The following AP3B1 variants were observed in gnomAD, a reference collection of about 807,000 sequenced individuals.
AP3B1 encodes the protein adaptor related protein complex 3 subunit beta 1.
A neutral mutation model predicts 132.5 loss-of-function variants in AP3B1; 61 were observed. The ratio of observed to expected loss-of-function variants is 0.46; its 90% confidence interval spans 0.37 to 0.57. The LOEUF is 0.57. AP3B1 is among the 20% of genes least tolerant of loss of function. The probability of loss-of-function intolerance (pLI) is 0.00; values close to 1 mark genes in which losing one functional copy is unlikely to be tolerated. For missense variants in AP3B1, 1,120 were observed against 1,289.4 expected (o/e 0.87, Z 2.01); for synonymous variants, 388 against 438.3 (o/e 0.89, Z 1.43).
At chr5:78,132,544 T>C (rs915309364) in intron 15 of AP3B1, among the ~76,000 whole-genome samples, 2 of 152,212 alleles carry the variant, frequency 1.3e-5, no homozygotes. Flanking sequence ...CATATGTGCA[T>C]AAGAAAACAT....
intron 21 of AP3B1, among the ~76,000 whole-genome samples, chr5:78,096,423 C>T (rs1166265974): frequency 3.9e-5 from 6 of 152,076 alleles, no homozygotes; most frequent in African/African-American, 1.4e-4. Flanking sequence ...AGCCTCTGCC[C>T]GGCCGCCACC....
chr5:78,065,663 T>TC (rs1749257965), intron 22 of AP3B1, among the ~76,000 whole-genome samples: 1 of 151,946 alleles, frequency 6.6e-6, no homozygotes, highest in South Asian at 2.1e-4. Flanking sequence ...AACTCTGATC[T>TC]CCCTGGAACA....
intron 23 of AP3B1, among the ~76,000 whole-genome samples, chr5:78,037,846 T>G (rs1406035433): frequency 2.0e-5 from 3 of 152,220 alleles, no homozygotes; most frequent in East Asian, 1.9e-4. Flanking sequence ...TGCCTGAAGC[T>G]TCTCTCAACT....
intron 11 of AP3B1, among the ~76,000 whole-genome samples, chr5:78,174,364 G>A (rs939763402): frequency 1.2e-4 from 18 of 152,124 alleles, no homozygotes; most frequent in African/African-American, 4.1e-4. Context: ...CTAGAGATGG[G>A]GTTTTGGTGT....
At chr5:78,113,207 T>G (rs895095374) in intron 19 of AP3B1, among the ~76,000 whole-genome samples, 1 of 152,204 alleles carries the variant, frequency 6.6e-6, no homozygotes, top group Non-Finnish European at 1.5e-5. Flanking sequence ...AGTTGCACAA[T>G]CCAAGATATT....
intron 22 of AP3B1, among the ~76,000 whole-genome samples, chr5:78,068,758 C>T (rs1009707037): frequency 6.6e-6 from 1 of 151,904 alleles, no homozygotes. Flanking sequence ...TTTATGAAGA[C>T]AGCATCATCC....
At chr5:78,211,605 T>C (rs1256556980) in intron 7 of AP3B1, among the ~76,000 whole-genome samples, 2 of 152,338 alleles carry the variant, frequency 1.3e-5, no homozygotes, top group East Asian at 3.9e-4. Context: ...CATATTAACG[T>C]AAACAAATGT....
chr5:78,061,900 T>A (rs577759059), intron 22 of AP3B1, among the ~76,000 whole-genome samples: 2 of 152,356 alleles, frequency 1.3e-5, no homozygotes, highest in South Asian at 4.1e-4. Context: ...GGGTCCATTA[T>A]GTATCAACTT....
At chr5:78,252,613 C>G (rs929388460) in intron 2 of AP3B1, among the ~76,000 whole-genome samples, 1 of 152,134 alleles carries the variant, frequency 6.6e-6, no homozygotes, top group African/African-American at 2.4e-5. Flanking sequence ...GTGGTGGTGG[C>G]TACAGGTTGA....
chr5:78,267,692 G>C, intron 1 of AP3B1, 97 bp from the exon 2 acceptor site: 1 of 757,470 alleles, frequency 1.3e-6, no homozygotes, highest in Admixed American at 2.3e-5. Context: ...TAATATCATG[G>C]GCAATGTTAA....
chr5:78,097,340 G>C (rs1315782507), intron 21 of AP3B1, among the ~76,000 whole-genome samples: 1 of 132,162 alleles, frequency 7.6e-6, no homozygotes, highest in Admixed American at 7.1e-5. Context: ...AGGTGGGGGG[G>C]TCAGCCCCCT....
chr5:78,031,450 C>T (rs1747572000), intron 24 of AP3B1, among the ~76,000 whole-genome samples: 1 of 152,202 alleles, frequency 6.6e-6, no homozygotes, highest in South Asian at 2.1e-4. Context: ...TTGCTTCCTT[C>T]ACACAAACTC....
At chr5:78,169,466 G>T (rs893464316) in intron 11 of AP3B1, among the ~76,000 whole-genome samples, 1 of 152,038 alleles carries the variant, frequency 6.6e-6, no homozygotes, top group African/African-American at 2.4e-5. Context: ...TAGAGACAGG[G>T]TCTCAGGCTG....
chr5:78,220,736 C>T (rs1302997284), intron 6 of AP3B1, among the ~76,000 whole-genome samples: 1 of 151,090 alleles, frequency 6.6e-6, no homozygotes, highest in Non-Finnish European at 1.5e-5. Flanking sequence ...CCTTTGGAAA[C>T]TGTGAAATAA....
intron 20 of AP3B1, among the ~76,000 whole-genome samples, chr5:78,103,551 T>C (rs747221283): frequency 1.5e-4 from 23 of 152,176 alleles, no homozygotes; most frequent in Non-Finnish European, 3.4e-4. Context: ...TGTTAGTACT[T>C]GAGAAGAGAT....
intron 1 of AP3B1, among the ~76,000 whole-genome samples, chr5:78,293,026 G>A (rs939557440): frequency 1.3e-5 from 2 of 151,928 alleles, no homozygotes; most frequent in African/African-American, 4.8e-5. Context: ...TTACAGGCAC[G>A]AGCCACCACG....
chr5:78,109,847 T>C (rs989712039), intron 20 of AP3B1, among the ~76,000 whole-genome samples: 1 of 152,158 alleles, frequency 6.6e-6, no homozygotes, highest in Non-Finnish European at 1.5e-5. Context: ...CACACTCTAT[T>C]ATGCAAAATG....
chr5:78,223,142 G>A (rs1239655432), intron 6 of AP3B1, among the ~76,000 whole-genome samples: 1 of 151,178 alleles, frequency 6.6e-6, no homozygotes, highest in African/African-American at 2.4e-5. Flanking sequence ...TTACAGGCAT[G>A]AACAATGGTG....
chr5:78,032,360 C>T (rs934988265), intron 24 of AP3B1, among the ~76,000 whole-genome samples: 6 of 152,064 alleles, frequency 3.9e-5, no homozygotes, highest in African/African-American at 1.4e-4. Flanking sequence ...TAATGTATTT[C>T]AAGGAAAAAA....
Sources: allele counts gnomAD v4.1 joint callset (sites outside exome capture counted in the v4.1 genomes callset), GRCh38; gene constraint gnomAD v4.1.1; transcripts MANE v1.5; gene names NCBI Gene and HGNC (gene_info 2026-07-23, HGNC 2026-07-21).